PRKN: variants seen among roughly 807,000 people sequenced by gnomAD.
The protein encoded by PRKN is E3 ubiquitin-protein ligase parkin.
Under a neutral mutation model 59.5 loss-of-function variants are expected in PRKN, and 56 were observed. The observed-to-expected ratio is 0.94, with a 90% CI of 0.76 to 1.18. The LOEUF (loss-of-function observed/expected upper bound fraction) is 1.18, where lower values mean the gene tolerates loss of function less well. Among genes scored for constraint, PRKN ranks in the 50% most tolerant of loss-of-function variants. PRKN has a pLI of 0.00. For synonymous variants in PRKN, 250 were observed against 222.1 expected (o/e 1.13, Z -1.12); for missense variants, 657 against 596.4 (o/e 1.10, Z -1.06).
At chr6:161,701,586 C>T (rs1411100509) in intron 7 of PRKN, among the ~76,000 whole-genome samples, 1 of 152,024 alleles carries the variant, frequency 6.6e-6, no homozygotes, top group Non-Finnish European at 1.5e-5. Flanking sequence ...AATCATTGAA[C>T]CATATTCTTT....
chr6:162,391,129 A>C (rs530032690), intron 2 of PRKN, among the ~76,000 whole-genome samples: 4 of 152,258 alleles, frequency 2.6e-5, no homozygotes, highest in Non-Finnish European at 5.9e-5. Flanking sequence ...ACTTATTTCA[A>C]GTGCATCTCG....
chr6:162,717,784 T>C (rs1778785036), intron 1 of PRKN, among the ~76,000 whole-genome samples: 1 of 152,224 alleles, frequency 6.6e-6, no homozygotes, highest in Non-Finnish European at 1.5e-5. Context: ...AAAACACTAC[T>C]TTTATGACCA....
intron 7 of PRKN, among the ~76,000 whole-genome samples, chr6:161,772,553 A>G (rs1399515537): frequency 2.0e-5 from 3 of 152,226 alleles, no homozygotes; most frequent in African/African-American, 7.2e-5. Flanking sequence ...ACACTGACAG[A>G]TGATGGAGGA....
chr6:162,646,035 T>C (rs1583973983), intron 1 of PRKN, among the ~76,000 whole-genome samples: 1 of 151,812 alleles, frequency 6.6e-6, no homozygotes, highest in Non-Finnish European at 1.5e-5. Context: ...CCACCACGCC[T>C]GGCTAATTTT....
At chr6:162,130,373 A>G (rs1781301126) in intron 4 of PRKN, among the ~76,000 whole-genome samples, 1 of 152,112 alleles carries the variant, frequency 6.6e-6, no homozygotes, top group Non-Finnish European at 1.5e-5. Context: ...AAACCTCTTC[A>G]CGGGTAACAA....
At chr6:162,690,726 A>C (rs962540071) in intron 1 of PRKN, among the ~76,000 whole-genome samples, 6 of 152,146 alleles carry the variant, frequency 3.9e-5, no homozygotes, top group African/African-American at 1.4e-4. Flanking sequence ...TCGTACTAGA[A>C]ATGGACATCT....
chr6:162,216,790 T>A (rs1331899233), intron 3 of PRKN, among the ~76,000 whole-genome samples: 1 of 152,134 alleles, frequency 6.6e-6, no homozygotes, highest in African/African-American at 2.4e-5. Context: ...CCAAGTTGCA[T>A]TACAATGATT....
At chr6:162,641,857 G>A (rs897068665) in intron 1 of PRKN, among the ~76,000 whole-genome samples, 5 of 152,062 alleles carry the variant, frequency 3.3e-5, no homozygotes, top group African/African-American at 1.2e-4. Context: ...AAACTGAACA[G>A]AATTTACCAA....
intron 7 of PRKN, among the ~76,000 whole-genome samples, chr6:161,585,058 A>T (rs141919295): frequency 7.2e-5 from 11 of 152,214 alleles, no homozygotes; most frequent in Non-Finnish European, 1.2e-4. Flanking sequence ...TTTCTTCCCA[A>T]CATTTAGATT....
rs534818724 is a variant in PRKN, at chr6:161,470,362, G to A, written c.1083+78492C>T. ...TCTACCCAGTGCTCATCACTCTTCTGCTGGAGCTGGGAGTGGTGGAAGACC... is the reference window on the plus strand; with the variant it reads ...TCTACCCAGTGCTCATCACTCTTCTACTGGAGCTGGGAGTGGTGGAAGACC... On this transcript the variant is annotated intron_variant, in intron 9 of 11. Transcript: ENST00000366898. The surrounding 1 kb of genome is among the most constrained non-coding windows in gnomAD (Gnocchi z 5.1). Among the ~76,000 whole-genome samples, 6 of 152,214 alleles carry A rather than the reference G, an allele frequency of 3.9e-5. No homozygotes were observed. In the East Asian group the frequency reaches 1.2e-3, roughly 29 times the overall value.
rs12526148 is a variant in PRKN, at chr6:161,546,869, C to T, written c.1083+1985G>A. 0.24 allele frequency among the ~76,000 whole-genome samples: 36,155 copies of T among 151,946 alleles called. 4,937 individuals carry two copies. The highest frequency in any genetic ancestry group is 0.45 in the East Asian group (2,291 of 5,140). ...GGGACAAACAGCCTAAGACAAGGGCCATGTGGTGAGGAACTGTGGCCTTCT... is the reference window on the plus strand; with the variant it reads ...GGGACAAACAGCCTAAGACAAGGGCTATGTGGTGAGGAACTGTGGCCTTCT... On this transcript the variant is annotated intron_variant, in intron 9 of 11. Coordinates refer to ENST00000366898, the MANE Select transcript of PRKN (RefSeq NM_004562.3). This position sits in a 1 kb window ranked among gnomAD's most constrained non-coding sequence, Gnocchi z 4.4.
intron 1 of PRKN, among the ~76,000 whole-genome samples, chr6:162,631,985 T>TAAAA (rs766901063): frequency 8.5e-6 from 1 of 117,220 alleles, no homozygotes; most frequent in African/African-American, 3.2e-5. Flanking sequence ...TATTAAAAAG[T>TAAAA]AAAAAAAAAA....
At chr6:161,896,470 A>G (rs1777630636) in intron 6 of PRKN, among the ~76,000 whole-genome samples, 1 of 152,176 alleles carries the variant, frequency 6.6e-6, no homozygotes, top group Non-Finnish European at 1.5e-5. Context: ...AAGATGCCTG[A>G]CATGTGAGCC....
At chr6:162,383,650 A>G (rs1786620600) in intron 2 of PRKN, among the ~76,000 whole-genome samples, 1 of 152,198 alleles carries the variant, frequency 6.6e-6, no homozygotes, top group Non-Finnish European at 1.5e-5. Context: ...GTCACCAGGT[A>G]CATTTGCCCT....
intron 1 of PRKN, among the ~76,000 whole-genome samples, chr6:162,613,140 T>C (rs1428851624): frequency 6.6e-6 from 1 of 152,208 alleles, no homozygotes; most frequent in Non-Finnish European, 1.5e-5. Context: ...CCCCATGGTC[T>C]CTCAGTTTGT....
intron 9 of PRKN, among the ~76,000 whole-genome samples, chr6:161,427,773 T>G (rs148977314): frequency 6.6e-6 from 1 of 152,278 alleles, no homozygotes; most frequent in Non-Finnish European, 1.5e-5. Context: ...GTATCAAGTG[T>G]CATGGAAGAG....
chr6:162,634,633 T>C (rs1189675119), intron 1 of PRKN, among the ~76,000 whole-genome samples: 2 of 152,134 alleles, frequency 1.3e-5, no homozygotes, highest in African/African-American at 4.8e-5. Context: ...GTTGTTGCTG[T>C]TATTGTTTTT....
chr6:161,549,100 G>T lies in PRKN; in HGVS notation c.934-97C>A. On this transcript the variant is annotated intron_variant, in intron 8 of 11. Coordinates refer to ENST00000366898, the MANE Select transcript of PRKN (RefSeq NM_004562.3). The surrounding 1 kb of genome is among the most constrained non-coding windows in gnomAD (Gnocchi z 6.0). ...GTGCATGGGATTTCTTGCTTAACCA[G>T]TTTCAGTAAAATAATGCATGTGTGT... 1 of 1,387,472 alleles carries T rather than the reference G, an allele frequency of 7.2e-7. No individual in the cohort carries two copies. Among genetic ancestry groups the T allele is most frequent in the Non-Finnish European group, 1.0e-6 (1 of 983,268 alleles). The allele number at this position is 1,387,472 out of a possible 1,614,324, so 85.9% of individuals were successfully genotyped here.
rs377653615 is a variant in PRKN at position 162,437,971 on chromosome 6, A to G, written c.171+5339T>C. Among the ~76,000 whole-genome samples, 81 of 152,336 alleles carry G rather than the reference A, an allele frequency of 5.3e-4. 3 individuals are homozygous for G. The South Asian group carries it at 0.016, about 30-fold the overall frequency. On this transcript the variant is annotated intron_variant, in intron 2 of 11. Transcript: ENST00000366898. ...AGAGTATAACTCTGTCATCTGGTAA[A>G]TACATATGTCATTTTTTATGAAACT...
Sources: gnomAD v4.1 joint callset for allele counts (sites outside exome capture counted in the v4.1 genomes callset) on GRCh38, gnomAD v4.1.1 for gene constraint, Gnocchi (gnomAD v3.1) non-coding constraint, MANE v1.5 for transcripts, NCBI Gene and HGNC (gene_info 2026-07-23, HGNC 2026-07-21) for gene names.